Variants in HPD observed in about 807,000 individuals in gnomAD.
The protein encoded by HPD is 4-hydroxyphenylpyruvic acid oxidase.
A neutral mutation model predicts 56.9 loss-of-function variants in HPD; 35 were observed. That is an observed-to-expected ratio of 0.62 (90% CI 0.47 to 0.82). The LOEUF (loss-of-function observed/expected upper bound fraction) is 0.82, where lower values mean the gene tolerates loss of function less well. HPD is among the 40% of genes least tolerant of loss of function. The pLI is 0.00. For missense variants in HPD, 442 were observed against 506.8 expected (o/e 0.87, Z 1.23); for synonymous variants, 186 against 200.2 (o/e 0.93, Z 0.60).
the HPD span, among the ~76,000 whole-genome samples, chr12:121,872,834 G>A: frequency 6.6e-6 from 1 of 152,078 alleles, no homozygotes; most frequent in Non-Finnish European, 1.5e-5. Flanking sequence ...TATAAAGCCA[G>A]AACAGAGAAA....
At chr12:121,876,932 A>G in the HPD span, among the ~76,000 whole-genome samples, 4 of 151,920 alleles carry the variant, frequency 2.6e-5, no homozygotes, top group South Asian at 8.3e-4. Flanking sequence ...CGTCTGTACT[A>G]AAAATACAAA....
At chr12:121,839,902 C>A (rs770640739) in intron 13 of HPD, 30 bp downstream of exon 13, 5 of 1,604,934 alleles carry the variant, frequency 3.1e-6, no homozygotes, top group Non-Finnish European at 4.3e-6. Context: ...AGCTGCCTGT[C>A]CCCTCGGGCC....
the HPD span, among the ~76,000 whole-genome samples, chr12:121,882,946 T>A: frequency 6.6e-6 from 1 of 152,070 alleles, no homozygotes; most frequent in Non-Finnish European, 1.5e-5. Flanking sequence ...CAGGCTGGTC[T>A]TGAACTACCG....
At position 121,842,481 on chromosome 12, in the gene HPD, A is replaced by AGT. The variant is rs1459614809; in HGVS notation, c.954+1227_954+1228dup. On this transcript the variant is annotated intron_variant, in intron 12 of 13. Coordinates refer to ENST00000289004, the MANE Select transcript of HPD (RefSeq NM_002150.3). ...CAGGGTATCACCCAGGCTGGAGTGC[A>AGT]GTGGCCTGATGATGGCTCACTGTAG... is the stretch of plus-strand genomic sequence containing the variant. Among the ~76,000 whole-genome samples the AGT allele has an allele frequency of 7.9e-5, 12 of 152,194 alleles. No homozygotes were observed. In the South Asian group the frequency reaches 2.5e-3, roughly 32 times the overall value.
intron 4 of HPD, chr12:121,857,029 G>A (rs997754635): frequency 1.6e-5 from 8 of 503,992 alleles, no homozygotes; most frequent in African/African-American, 1.2e-4. Flanking sequence ...GGAGGGGTCG[G>A]TGGGAGCTGA....
the HPD span, among the ~76,000 whole-genome samples, chr12:121,884,253 C>T: frequency 6.6e-6 from 1 of 151,158 alleles, no homozygotes; most frequent in South Asian, 2.1e-4. Context: ...TCACTGCAAC[C>T]TCTGCCTCAA....
intron 7 of HPD, among the ~76,000 whole-genome samples, chr12:121,853,478 C>T (rs535570744): frequency 2.6e-5 from 4 of 151,028 alleles, no homozygotes; most frequent in South Asian, 2.1e-4. Context: ...AAAATTTAGC[C>T]GGGCGTGGTG....
intron 7 of HPD, among the ~76,000 whole-genome samples, chr12:121,851,694 TA>T (rs1566571714): frequency 2.1e-3 from 5 of 2,402 alleles, no homozygotes; most frequent in African/African-American, 0.017. Context: ...TTTATTTATT[TA>T]TTTATTTTTT....
chr12:121,875,415 T>TTTTC, the HPD span, among the ~76,000 whole-genome samples: 1 of 150,720 alleles, frequency 6.6e-6, no homozygotes, highest in South Asian at 2.1e-4. Context: ...TTCTCCCCCT[T>TTTTC]TTTCTTTCTT....
the HPD span, among the ~76,000 whole-genome samples, chr12:121,881,889 G>A: frequency 2.5e-3 from 349 of 138,260 alleles, 22 homozygotes; most frequent in African/African-American, 8.3e-3. Flanking sequence ...CTCATGATCC[G>A]CCCACCTCAG....
rs773729020 is a variant in HPD, at chr12:121,858,834, A to C, written c.-11T>G. Reference sequence around the variant, plus strand: ...CATGGCACTTACCATGATTGATCTTAGTCAAACCTCCTACTGGGACTAGAG... The same window carrying C: ...CATGGCACTTACCATGATTGATCTTCGTCAAACCTCCTACTGGGACTAGAG... On this transcript the variant is annotated 5_prime_UTR_variant, in exon 1 of 14. Transcript: ENST00000289004. 1 of 1,614,142 alleles carries C rather than the reference A, an allele frequency of 6.2e-7. No homozygotes were observed. Among genetic ancestry groups the C allele is most frequent in the Non-Finnish European group, 8.5e-7 (1 of 1,180,000 alleles).
At chr12:121,857,097 T>C in intron 4 of HPD, 1 of 544,690 alleles carries the variant, frequency 1.8e-6, no homozygotes, top group Non-Finnish European at 3.3e-6. Flanking sequence ...TTTTTTTTGT[T>C]GAGATGGAGT....
chr12:121,845,096 T>G (rs1877535109), intron 11 of HPD, among the ~76,000 whole-genome samples: 1 of 146,340 alleles, frequency 6.8e-6, no homozygotes, highest in Non-Finnish European at 1.5e-5. Flanking sequence ...AAAAGAAGGA[T>G]ATATATATAT....
intron 7 of HPD, among the ~76,000 whole-genome samples, chr12:121,851,816 T>C (rs1418777934): frequency 0.016 from 459 of 29,472 alleles, 149 homozygotes; most frequent in Middle Eastern, 0.043. Flanking sequence ...TTCACGCCAT[T>C]CTCCTGCCTC....
At chr12:121,846,740 C>T (rs1877596198) in intron 11 of HPD, 122 bp downstream of exon 11, 3 of 873,852 alleles carry the variant, frequency 3.4e-6, no homozygotes, top group Non-Finnish European at 5.6e-6. Context: ...TGAGGGAGTC[C>T]TGTCAGTCTC....
the HPD span, among the ~76,000 whole-genome samples, chr12:121,884,957 C>T: frequency 1.3e-5 from 2 of 152,132 alleles, no homozygotes; most frequent in Non-Finnish European, 2.9e-5. Context: ...GGCACGATCT[C>T]GGCTCACTAC....
the HPD span, among the ~76,000 whole-genome samples, chr12:121,872,546 C>G: frequency 1.3e-5 from 2 of 151,894 alleles, no homozygotes; most frequent in African/African-American, 4.8e-5. Flanking sequence ...TTTCTTGTCT[C>G]TCCAGCATCC....
upstream of HPD, among the ~76,000 whole-genome samples, chr12:121,867,959 A>ATTAT: frequency 6.6e-6 from 1 of 152,150 alleles, no homozygotes; most frequent in Non-Finnish European, 1.5e-5. Context: ...TGTGAGCCAC[A>ATTAT]GTGCCCCGCC....
chr12:121,884,824 TAC>T, the HPD span, among the ~76,000 whole-genome samples: 2 of 152,176 alleles, frequency 1.3e-5, no homozygotes, highest in Non-Finnish European at 2.9e-5. Flanking sequence ...ACAAATAATT[TAC>T]AGAGTCACCA....
Sources: gnomAD v4.1 joint callset for allele counts (sites outside exome capture counted in the v4.1 genomes callset) on GRCh38, gnomAD v4.1.1 for gene constraint, MANE v1.5 for transcripts, NCBI Gene and HGNC (gene_info 2026-07-23, HGNC 2026-07-21) for gene names.